The following DR1 variants were observed in gnomAD, a reference collection of about 807,000 sequenced individuals.
The protein encoded by DR1 is protein Dr1.
Under a neutral mutation model 19.9 loss-of-function variants are expected in DR1, and 7 were observed. The ratio of observed to expected loss-of-function variants is 0.35; its 90% CI spans 0.20 to 0.66. DR1 has a LOEUF of 0.66. DR1 is among the 30% of genes least tolerant of loss of function. The pLI, the probability that DR1 is intolerant of heterozygous loss-of-function variation, is 0.66. For synonymous variants in DR1, 76 were observed against 72.5 expected, an observed-to-expected ratio of 1.05 and a Z score of -0.24; for missense variants, 98 against 203.7, an observed-to-expected ratio of 0.48 and a Z score of 3.16.
intron 1 of DR1, 57 bp from the exon 2 acceptor site, chr1:93,353,851 T>G: frequency 1.4e-6 from 2 of 1,435,498 alleles, no homozygotes; most frequent in Non-Finnish European, 1.9e-6. Flanking sequence ...GGTCTACGGG[T>G]TGGGGGAAAG....
At chr1:93,352,890 A>G (rs1557745829) in intron 1 of DR1, among the ~76,000 whole-genome samples, 1 of 102,438 alleles carries the variant, frequency 9.8e-6, no homozygotes, top group East Asian at 3.0e-4. Context: ...AGGGTGTGTG[A>G]ATTTTTTTTT....
intron 2 of DR1, among the ~76,000 whole-genome samples, chr1:93,357,840 CAG>C (rs1449327021): frequency 5.3e-5 from 8 of 152,020 alleles, no homozygotes; most frequent in African/African-American, 9.7e-5. Context: ...AATTTCAAGT[CAG>C]AATTCAATTA....
chr1:93,354,162 T>C (rs1666949509), intron 2 of DR1, 91 bp downstream of exon 2: 4 of 1,279,392 alleles, frequency 3.1e-6, no homozygotes, highest in Non-Finnish European at 4.3e-6. Flanking sequence ...ACCCAGAGGA[T>C]TCCCTTTTTC....
At chr1:93,357,727 A>G (rs1463583950) in intron 2 of DR1, among the ~76,000 whole-genome samples, 1 of 151,984 alleles carries the variant, frequency 6.6e-6, no homozygotes, top group Non-Finnish European at 1.5e-5. Flanking sequence ...CTCTGATACT[A>G]TGGTTACTTG....
chr1:93,346,074 C>A lies in DR1; in HGVS notation c.-572C>A. ...CTGTCCATATTAGTTCCCAGGCGGC[C>A]GTCGCCGTTCCAGCAGCGGCAGCGG... On this transcript the variant is annotated 5_prime_UTR_variant, in exon 1 of 3. Coordinates refer to ENST00000370272, the MANE Select transcript of DR1 (RefSeq NM_001938.3). 4.8e-6 allele frequency: 1 copy of A among 208,662 alleles called. No individual in the cohort carries two copies. Among genetic ancestry groups the A allele is most frequent in the Non-Finnish European group, 9.5e-6 (1 of 105,158 alleles). 12.9% of individuals were successfully genotyped at this position (208,662 alleles called of 1,614,324 possible).
intron 1 of DR1, among the ~76,000 whole-genome samples, 169 bp downstream of exon 1, chr1:93,347,034 C>G (rs908588551): frequency 6.6e-6 from 1 of 152,172 alleles, no homozygotes; most frequent in Non-Finnish European, 1.5e-5. Context: ...CCCTTTGTAG[C>G]ATTTTTGCAG....
intron 2 of DR1, among the ~76,000 whole-genome samples, chr1:93,356,092 C>CT (rs1346128778): frequency 6.6e-6 from 1 of 152,102 alleles, no homozygotes; most frequent in African/African-American, 2.4e-5. Flanking sequence ...GCTTACCTGT[C>CT]TTTCACACCC....
rs1402564700 is a variant in DR1, at chr1:93,364,126, A to G, written c.*3487A>G. On this transcript the variant is annotated 3_prime_UTR_variant, in exon 3 of 3. Transcript: ENST00000370272. ...CATTTTAATGTGTAGCATAAAAATG[A>G]ATTACGCTAATGATCTTAGTGGGTT... 6.6e-6 allele frequency: 1 copy of G among 152,212 alleles called. No homozygotes were observed. Among genetic ancestry groups the G allele is most frequent in the Non-Finnish European group, 1.5e-5 (1 of 68,028 alleles). 9.4% of individuals were successfully genotyped at this position (152,212 alleles called of 1,614,324 possible). A position where few individuals can be genotyped will look rare whatever the true frequency, so the allele number is the denominator to read the frequency against.
intron 2 of DR1, among the ~76,000 whole-genome samples, chr1:93,356,814 C>T (rs911964493): frequency 6.6e-6 from 1 of 151,798 alleles, no homozygotes; most frequent in Non-Finnish European, 1.5e-5. Context: ...CTCCGCCTCC[C>T]GGGTTCAAGC....
At chr1:93,347,778 C>A (rs1455625557) in intron 1 of DR1, among the ~76,000 whole-genome samples, 2 of 152,056 alleles carry the variant, frequency 1.3e-5, no homozygotes, top group Non-Finnish European at 2.9e-5. Flanking sequence ...AACATATTTA[C>A]TATTCATAAT....
intron 1 of DR1, 93 bp from the exon 2 acceptor site, chr1:93,353,815 C>A: frequency 9.8e-7 from 1 of 1,023,574 alleles, no homozygotes; most frequent in Non-Finnish European, 1.4e-6. Context: ...TTCCCCTCCC[C>A]CAAAGAAAAG....
chr1:93,359,827 A>G (rs925367649), intron 2 of DR1, among the ~76,000 whole-genome samples: 28 of 152,146 alleles, frequency 1.8e-4, no homozygotes, highest in African/African-American at 6.8e-4. Context: ...TTTAAGTAGT[A>G]TCTTTTTACT....
At chr1:93,356,038 A>G (rs996566775) in intron 2 of DR1, among the ~76,000 whole-genome samples, 4 of 152,280 alleles carry the variant, frequency 2.6e-5, no homozygotes, top group African/African-American at 9.6e-5. Flanking sequence ...CTTAAAACAT[A>G]ATGAAAACCT....
In DR1 at chr1:93,360,777, A is replaced by C. The variant is rs1667042368; in HGVS notation, c.*138A>C. The C allele has an allele frequency of 2.7e-5, 25 of 939,382 alleles. No individual in the cohort carries two copies. Among genetic ancestry groups the C allele is most frequent in the Non-Finnish European group, 7.7e-6 (5 of 645,188 alleles). 58.2% of individuals were successfully genotyped at this position (939,382 alleles called of 1,614,324 possible). A position where few individuals can be genotyped will look rare whatever the true frequency, so the allele number is the denominator to read the frequency against. On this transcript the variant is annotated 3_prime_UTR_variant, in exon 3 of 3. Coordinates refer to ENST00000370272, the MANE Select transcript of DR1 (RefSeq NM_001938.3). ...GGTATTCTAGGGATGTCTGCTATTA[A>C]GTTTCATCTATTGTGTGCTATACAT...
chr1:93,357,371 TGGCACCTTC>T (rs1667001522), intron 2 of DR1, among the ~76,000 whole-genome samples: 1 of 152,108 alleles, frequency 6.6e-6, no homozygotes, highest in Non-Finnish European at 1.5e-5. Flanking sequence ...CCAAGCAAGG[TGGCACCTTC>T]CTGTAGTCCC....
At position 93,362,177 on chromosome 1, in the gene DR1, A is replaced by G. The variant is rs1282124039; in HGVS notation, c.*1538A>G. The G allele has an allele frequency of 1.3e-5, 2 of 152,464 alleles. No homozygotes were observed. Among genetic ancestry groups the G allele is most frequent in the African/African-American group, 2.4e-5 (1 of 41,454 alleles). 9.4% of individuals were successfully genotyped at this position (152,464 alleles called of 1,614,324 possible). A position where few individuals can be genotyped will look rare whatever the true frequency, so the allele number is the denominator to read the frequency against. ...GGAAATATTGTTATACATTTATTAA[A>G]TATACTTCCCCCATGAAGTGAAAAG... On this transcript the variant is annotated 3_prime_UTR_variant, in exon 3 of 3. Coordinates refer to ENST00000370272, the MANE Select transcript of DR1 (RefSeq NM_001938.3).
rs946057323 is a variant in DR1, at chr1:93,364,506, C to T, written c.*3867C>T. ...GGCCATTAGGAAGAATTATCCAATT[C>T]AGATGGCATAGGCACTGCCTTCCAA... On this transcript the variant is annotated 3_prime_UTR_variant, in exon 3 of 3. Coordinates refer to ENST00000370272, the MANE Select transcript of DR1 (RefSeq NM_001938.3). 5.3e-5 allele frequency: 8 copies of T among 152,288 alleles called. No homozygotes were observed. Among genetic ancestry groups the T allele is most frequent in the African/African-American group, 1.9e-4 (8 of 41,552 alleles). 9.4% of individuals were successfully genotyped at this position (152,288 alleles called of 1,614,324 possible). A position where few individuals can be genotyped will look rare whatever the true frequency, so the allele number is the denominator to read the frequency against.
rs1381190442 is a variant in DR1, at chr1:93,354,143, A to T, written c.384+72A>T. On this transcript the variant is annotated intron_variant, in intron 2 of 2. Coordinates refer to ENST00000370272, the MANE Select transcript of DR1 (RefSeq NM_001938.3). ...GCTAACTGAAATTGCTTCCTAAATT[A>T]ACAGACATACCCAGAGGATTCCCTT... 1.4e-5 allele frequency: 20 copies of T among 1,445,122 alleles called. No individual in the cohort carries two copies. In the East Asian group the frequency reaches 2.6e-4, roughly 19 times the overall value. 89.5% of individuals were successfully genotyped at this position (1,445,122 alleles called of 1,614,324 possible). A position where few individuals can be genotyped will look rare whatever the true frequency, so the allele number is the denominator to read the frequency against.
intron 1 of DR1, among the ~76,000 whole-genome samples, chr1:93,351,458 T>C (rs1417361484): frequency 2.1e-5 from 3 of 142,250 alleles, no homozygotes; most frequent in Non-Finnish European, 4.6e-5. Flanking sequence ...TTTTTTTTTT[T>C]TGAGACAGAG....
Sources: allele counts gnomAD v4.1 joint callset (sites outside exome capture counted in the v4.1 genomes callset), GRCh38; gene constraint gnomAD v4.1.1; transcripts MANE v1.5; gene names NCBI Gene and HGNC (gene_info 2026-07-23, HGNC 2026-07-21).